The following MACROD2 variants were observed in gnomAD, a reference collection of about 807,000 sequenced individuals.
MACROD2 encodes the protein ADP-ribose glycohydrolase MACROD2.
MACROD2 carries 36 observed loss-of-function variants against 70.4 expected under a neutral mutation model. The ratio of observed to expected loss-of-function variants is 0.51; its 90% CI spans 0.39 to 0.68. MACROD2 has a LOEUF of 0.68. MACROD2 is among the 30% of genes least tolerant of loss of function. The pLI is 0.00. For synonymous variants in MACROD2, 172 were observed against 178.8 expected (o/e 0.96, Z 0.30); for missense variants, 496 against 538.4 (o/e 0.92, Z 0.78).
chr20:14,016,809 T>C (rs923273998), intron 2 of MACROD2, among the ~76,000 whole-genome samples: 1 of 152,158 alleles, frequency 6.6e-6, no homozygotes, highest in African/African-American at 2.4e-5. Context: ...CTTCCAACTT[T>C]TTCTTTTTGA....
intron 3 of MACROD2, among the ~76,000 whole-genome samples, chr20:14,102,614 C>A (rs949981523): frequency 1.3e-5 from 2 of 152,272 alleles, no homozygotes; most frequent in Middle Eastern, 3.4e-3. Context: ...GCACACCATT[C>A]ACTTCTTTTG....
rs201640811 is a variant in MACROD2, at chr20:14,784,674, G to A, written c.418+99715G>A. 7.7e-5 allele frequency among the ~76,000 whole-genome samples: 11 copies of A among 142,994 alleles called. No homozygotes were observed. The South Asian group carries it at 1.5e-3, about 19-fold the overall frequency. The allele number at this position is 142,994 out of a possible 152,430, so 93.8% of individuals were successfully genotyped here. A position where few individuals can be genotyped will look rare whatever the true frequency, so the allele number is the denominator to read the frequency against. On this transcript the variant is annotated intron_variant, in intron 5 of 17. Transcript: ENST00000684519. ...AAAAGGATGGTGTTTTAAGTGGGGG[G>A]GGGGGGGCACCAGATTCAGTTACCT...
At chr20:14,353,682 A>G (rs960732642) in intron 3 of MACROD2, among the ~76,000 whole-genome samples, 8 of 152,182 alleles carry the variant, frequency 5.3e-5, no homozygotes, top group Non-Finnish European at 7.4e-5. Context: ...CCTCTTGGTC[A>G]TGAAGAATCA....
intron 6 of MACROD2, among the ~76,000 whole-genome samples, chr20:15,385,341 G>A (rs968531591): frequency 6.6e-6 from 1 of 152,126 alleles, no homozygotes; most frequent in African/African-American, 2.4e-5. Context: ...GCATTCTCCT[G>A]CAAATGTAAT....
chr20:14,479,784 T>TAAA (rs1047993601), intron 3 of MACROD2, among the ~76,000 whole-genome samples: 1 of 151,764 alleles, frequency 6.6e-6, no homozygotes, highest in East Asian at 1.9e-4. Flanking sequence ...TAAAAAATTT[T>TAAA]AAAAAAAATC....
chr20:14,998,929 G>A (rs868768727), intron 5 of MACROD2, among the ~76,000 whole-genome samples: 7 of 152,332 alleles, frequency 4.6e-5, no homozygotes, highest in African/African-American at 1.7e-4. Flanking sequence ...AATATGTCTG[G>A]CAGCAGACTT....
intron 6 of MACROD2, among the ~76,000 whole-genome samples, chr20:15,264,827 T>A (rs2077278762): frequency 6.6e-6 from 1 of 152,040 alleles, no homozygotes; most frequent in Non-Finnish European, 1.5e-5. Flanking sequence ...GAAAGCCCCC[T>A]GACCACCCCA....
chr20:15,421,708 T>G (rs1221445797), intron 6 of MACROD2, among the ~76,000 whole-genome samples: 1 of 152,202 alleles, frequency 6.6e-6, no homozygotes, highest in Non-Finnish European at 1.5e-5. Flanking sequence ...AACAGATATT[T>G]ATTGAGTTCC....
At position 14,690,769 on chromosome 20, in the gene MACROD2, T is replaced by C. The variant is rs561275464; in HGVS notation, c.418+5810T>C. On this transcript the variant is annotated intron_variant, in intron 5 of 17. Transcript: ENST00000684519. ...TAGAACACAGTTGTGGCCATTTGTTTACATATTGTCTATGGCTGCTTTCAT... is the reference window on the plus strand; with the variant it reads ...TAGAACACAGTTGTGGCCATTTGTTCACATATTGTCTATGGCTGCTTTCAT... 3.9e-4 allele frequency among the ~76,000 whole-genome samples: 60 copies of C among 152,328 alleles called. No individual in the cohort carries two copies. In the Middle Eastern group the frequency reaches 0.01, roughly 26 times the overall value.
At chr20:15,341,810 G>C (rs6043222) in intron 6 of MACROD2, among the ~76,000 whole-genome samples, 27,431 of 152,188 alleles carry the variant, frequency 0.18, 2,735 homozygotes, top group Non-Finnish European at 0.23. Flanking sequence ...CAGCTATTAA[G>C]GAAGCCAAGG....
chr20:15,716,549 T>C (rs923236575), intron 8 of MACROD2, among the ~76,000 whole-genome samples: 2 of 152,186 alleles, frequency 1.3e-5, no homozygotes, highest in Non-Finnish European at 1.5e-5. Flanking sequence ...AACACTGAGT[T>C]TGAGGTTTTT....
At chr20:15,000,599 C>A (rs1240941455) in intron 5 of MACROD2, among the ~76,000 whole-genome samples, 1 of 104,288 alleles carries the variant, frequency 9.6e-6, no homozygotes, top group African/African-American at 4.7e-5. Flanking sequence ...GTCCGCAGTC[C>A]GGCCTGGGCG....
At chr20:14,176,202 T>C (rs1293700105) in intron 3 of MACROD2, among the ~76,000 whole-genome samples, 3 of 152,226 alleles carry the variant, frequency 2.0e-5, no homozygotes, top group Non-Finnish European at 4.4e-5. Context: ...TTACTATGAA[T>C]CATAGGATTG....
At chr20:15,298,648 T>TG (rs1343217366) in intron 6 of MACROD2, among the ~76,000 whole-genome samples, 1 of 152,254 alleles carries the variant, frequency 6.6e-6, no homozygotes, top group East Asian at 1.9e-4. Context: ...AGTAACTTAC[T>TG]TTTTAAAAAT....
chr20:15,116,660 A>C (rs2075993805), intron 5 of MACROD2, among the ~76,000 whole-genome samples: 1 of 152,164 alleles, frequency 6.6e-6, no homozygotes, highest in Admixed American at 6.5e-5. Context: ...AAGGTAGTAA[A>C]TGTATTTTCT....
chr20:15,683,655 T>C (rs2050190126), intron 8 of MACROD2, among the ~76,000 whole-genome samples: 1 of 152,106 alleles, frequency 6.6e-6, no homozygotes, highest in East Asian at 1.9e-4. Flanking sequence ...CTCTGCTCAC[T>C]GCAACCTCCA....
At chr20:15,889,366 A>G (rs2064860844) in intron 10 of MACROD2, among the ~76,000 whole-genome samples, 1 of 152,196 alleles carries the variant, frequency 6.6e-6, no homozygotes, top group South Asian at 2.1e-4. Flanking sequence ...AAACACAGCA[A>G]TTCTACAAGG....
chr20:14,118,084 T>C (rs2054537476), intron 3 of MACROD2, among the ~76,000 whole-genome samples: 1 of 152,198 alleles, frequency 6.6e-6, no homozygotes, highest in Admixed American at 6.5e-5. Flanking sequence ...TAAATGAATA[T>C]TGTTTTAAGC....
intron 3 of MACROD2, among the ~76,000 whole-genome samples, chr20:14,155,142 A>G (rs55962580): frequency 3.3e-5 from 5 of 152,340 alleles, no homozygotes; most frequent in Non-Finnish European, 5.9e-5. Context: ...AATAACTGAT[A>G]CATGTATATA....
Sources: gnomAD v4.1 joint callset for allele counts (sites outside exome capture counted in the v4.1 genomes callset) on GRCh38, gnomAD v4.1.1 for gene constraint, MANE v1.5 for transcripts, NCBI Gene and HGNC (gene_info 2026-07-23, HGNC 2026-07-21) for gene names.